The following PCDH9 variants were observed in gnomAD, a reference collection of about 807,000 sequenced individuals.
PCDH9 encodes protocadherin-9.
In PCDH9, 24 loss-of-function variants were observed where a neutral mutation model predicts 70.6. That is an observed-to-expected ratio of 0.34 (90% CI 0.25 to 0.48). PCDH9 has a LOEUF of 0.48. PCDH9 is among the 20% of genes least tolerant of loss of function. The pLI, the probability that PCDH9 is intolerant of heterozygous loss-of-function variation, is 0.99. For missense variants in PCDH9, 1,281 were observed against 1,503.6 expected (o/e 0.85, Z 2.45); for synonymous variants, 562 against 558.5 (o/e 1.01, Z -0.09).
intron 3 of PCDH9, among the ~76,000 whole-genome samples, chr13:66,798,471 G>A (rs1269354442): frequency 6.6e-6 from 1 of 152,064 alleles, no homozygotes; most frequent in Non-Finnish European, 1.5e-5. Flanking sequence ...GAGATAAGTG[G>A]TTCACCTTTC....
intron 4 of PCDH9, among the ~76,000 whole-genome samples, chr13:66,419,270 C>T (rs1213862325): frequency 6.6e-6 from 1 of 152,078 alleles, no homozygotes. Flanking sequence ...AGGCCAATAT[C>T]CCTGATGAAC....
intron 4 of PCDH9, among the ~76,000 whole-genome samples, chr13:66,572,299 T>C (rs1158572681): frequency 6.6e-6 from 1 of 152,162 alleles, no homozygotes; most frequent in Non-Finnish European, 1.5e-5. Flanking sequence ...CTATGTGTGC[T>C]AGCATACACT....
At chr13:66,346,199 CT>C (rs746627971) in intron 4 of PCDH9, among the ~76,000 whole-genome samples, 68 of 152,218 alleles carry the variant, frequency 4.5e-4, no homozygotes, top group Admixed American at 2.0e-3. Flanking sequence ...GAGTATTTTC[CT>C]TTTCTTGAAG....
At chr13:67,002,636 T>TAGTA (rs1271505295) in intron 2 of PCDH9, among the ~76,000 whole-genome samples, 1 of 152,026 alleles carries the variant, frequency 6.6e-6, no homozygotes, top group African/African-American at 2.4e-5. Flanking sequence ...TTCCAAACAG[T>TAGTA]ACTGATGTGC....
At chr13:66,607,780 T>C (rs2077239839) in intron 4 of PCDH9, among the ~76,000 whole-genome samples, 1 of 152,082 alleles carries the variant, frequency 6.6e-6, no homozygotes, top group Non-Finnish European at 1.5e-5. Flanking sequence ...AATGAATGCA[T>C]GTTTAAATTA....
At chr13:66,393,653 CA>C (rs1489107582) in intron 4 of PCDH9, among the ~76,000 whole-genome samples, 1 of 152,118 alleles carries the variant, frequency 6.6e-6, no homozygotes, top group African/African-American at 2.4e-5. Flanking sequence ...AACTTCTGCA[CA>C]AGAAGCCCAG....
rs576683549 is a variant in PCDH9 at position 66,383,603 on chromosome 13, AC to A, written c.3341-78576del. On this transcript the variant is annotated intron_variant, in intron 4 of 4. Transcript: ENST00000377865. ...CATGGTTTTCAATACAAATAAAATA[AC>A]ATATACAAATCCTTTGCTATGTTTC... Among the ~76,000 whole-genome samples the A allele has an allele frequency of 1.5e-4, 23 of 152,320 alleles. No homozygotes were observed. The South Asian group carries it at 4.6e-3, about 30-fold the overall frequency.
intron 2 of PCDH9, among the ~76,000 whole-genome samples, chr13:67,108,365 G>A (rs943556696): frequency 1.2e-4 from 18 of 152,262 alleles, no homozygotes; most frequent in African/African-American, 4.1e-4. Context: ...ATAGCTAAAA[G>A]TAACTGATAA....
intron 2 of PCDH9, among the ~76,000 whole-genome samples, chr13:66,927,573 C>A (rs929221418): frequency 6.6e-6 from 1 of 151,968 alleles, no homozygotes; most frequent in Non-Finnish European, 1.5e-5. Context: ...CAAAGAAAAC[C>A]CTAATTTCTC....
At chr13:66,568,655 G>A (rs866297012) in intron 4 of PCDH9, among the ~76,000 whole-genome samples, 4 of 151,626 alleles carry the variant, frequency 2.6e-5, no homozygotes, top group Admixed American at 6.6e-5. Flanking sequence ...CTGAATGACA[G>A]GGGAAAAACC....
chr13:67,093,077 G>A (rs759730180), intron 2 of PCDH9, among the ~76,000 whole-genome samples: 14 of 152,080 alleles, frequency 9.2e-5, no homozygotes, highest in Admixed American at 2.0e-4. Context: ...ACTTGTTGCC[G>A]TCTGAAACTT....
At chr13:66,596,177 TA>T (rs1341984510) in intron 4 of PCDH9, among the ~76,000 whole-genome samples, 1 of 151,604 alleles carries the variant, frequency 6.6e-6, no homozygotes, top group Non-Finnish European at 1.5e-5. Context: ...CCATGTTCTG[TA>T]GGGATTTATT....
intron 3 of PCDH9, among the ~76,000 whole-genome samples, chr13:66,793,829 A>G (rs568811399): frequency 1.3e-5 from 2 of 152,288 alleles, no homozygotes; most frequent in East Asian, 3.9e-4. Context: ...CATTCAAGCA[A>G]GTAGATTAAA....
At chr13:66,326,679 C>T (rs1955853814) in intron 4 of PCDH9, among the ~76,000 whole-genome samples, 1 of 152,100 alleles carries the variant, frequency 6.6e-6, no homozygotes, top group African/African-American at 2.4e-5. Flanking sequence ...TCAGCCCTCA[C>T]ACCTGGGATT....
Position 66,544,841 on chromosome 13 carries a change from T to C in PCDH9, c.3340+86369A>G, listed in dbSNP as rs148941271. Among the ~76,000 whole-genome samples the C allele has an allele frequency of 3.1e-3, 467 of 152,174 alleles. 4 individuals are homozygous for C. Among genetic ancestry groups the C allele is most frequent in the African/African-American group, 0.011 (450 of 41,490 alleles). Reference sequence around the variant, plus strand: ...AATTAACAATTAGAGCAGCTAGGGATTGTTTTCCTCTCCATATGGTTTCAG... The same window carrying C: ...AATTAACAATTAGAGCAGCTAGGGACTGTTTTCCTCTCCATATGGTTTCAG... On this transcript the variant is annotated intron_variant, in intron 4 of 4. Transcript: ENST00000377865.
At chr13:66,848,811 C>T (rs2081258426) in intron 3 of PCDH9, among the ~76,000 whole-genome samples, 1 of 151,766 alleles carries the variant, frequency 6.6e-6, no homozygotes, top group Non-Finnish European at 1.5e-5. Flanking sequence ...AACTGTAGTC[C>T]CAGCTACACG....
chr13:66,761,969 T>C (rs2139251989), intron 3 of PCDH9, among the ~76,000 whole-genome samples: 1 of 151,390 alleles, frequency 6.6e-6, no homozygotes, highest in African/African-American at 2.4e-5. Context: ...GTTGATGCCC[T>C]ACACATTGAA....
intron 3 of PCDH9, among the ~76,000 whole-genome samples, chr13:66,661,372 T>C (rs2139016971): frequency 6.6e-6 from 1 of 152,326 alleles, no homozygotes; most frequent in Non-Finnish European, 1.5e-5. Context: ...CCTCACCAGC[T>C]CTTCCCCAAA....
At chr13:66,500,493 G>GT (rs1406057264) in intron 4 of PCDH9, among the ~76,000 whole-genome samples, 32 of 151,816 alleles carry the variant, frequency 2.1e-4, no homozygotes, top group Non-Finnish European at 1.0e-4. Flanking sequence ...AACAGGATAA[G>GT]TTTTTTTGTT....
Sources: allele counts gnomAD v4.1 joint callset (sites outside exome capture counted in the v4.1 genomes callset), GRCh38; gene constraint gnomAD v4.1.1; transcripts MANE v1.5; gene names NCBI Gene and HGNC (gene_info 2026-07-23, HGNC 2026-07-21).